Variants in PDZRN4 observed in about 807,000 individuals in gnomAD.
The protein encoded by PDZRN4 is PDZ domain-containing RING finger protein 4.
In PDZRN4, 70 loss-of-function variants were observed where a neutral mutation model predicts 99.0. The ratio of observed to expected loss-of-function variants is 0.71; its 90% CI spans 0.58 to 0.86. The LOEUF is 0.86. Among genes scored for constraint, PDZRN4 ranks in the 40% least tolerant of loss-of-function variants. PDZRN4 has a pLI of 0.00. For synonymous variants in PDZRN4, 551 were observed against 501.6 expected (o/e 1.10, Z -1.32); for missense variants, 1,474 against 1,331.2 (o/e 1.11, Z -1.67).
intron 3 of PDZRN4, among the ~76,000 whole-genome samples, chr12:41,413,492 A>G (rs928702785): frequency 6.6e-6 from 1 of 152,130 alleles, no homozygotes; most frequent in African/African-American, 2.4e-5. Flanking sequence ...ACTATACTAT[A>G]TAGTTTCAAA....
intron 3 of PDZRN4, among the ~76,000 whole-genome samples, chr12:41,304,629 G>A (rs1951557763): frequency 1.3e-5 from 2 of 152,158 alleles, no homozygotes; most frequent in South Asian, 2.1e-4. Flanking sequence ...CAACCCCAAT[G>A]AGAATGCATG....
At chr12:41,406,856 C>T (rs1020403922) in intron 3 of PDZRN4, among the ~76,000 whole-genome samples, 84 of 109,524 alleles carry the variant, frequency 7.7e-4, no homozygotes, top group Admixed American at 7.6e-3. Flanking sequence ...GAAACTCCGT[C>T]TCAAAAAAAA....
chr12:41,205,759 A>T lies in PDZRN4; in HGVS notation c.843+11571A>T, dbSNP rs1950845252. On this transcript the variant is annotated intron_variant, in intron 3 of 9. Coordinates refer to ENST00000402685, the MANE Select transcript of PDZRN4 (RefSeq NM_001164595.2). ...TCTTTTTAAGGTAAATGTTTACAGA[A>T]GATCACAGATCATAAGTGTCTAGTG... Among the ~76,000 whole-genome samples the T allele has an allele frequency of 2.0e-5, 3 of 151,842 alleles. 1 individual carries two copies. The South Asian group carries it at 6.2e-4, about 31-fold the overall frequency.
Position 41,573,512 on chromosome 12 carries a change from G to C in PDZRN4, c.2733G>C (p.Leu911=). 1 of 1,614,018 alleles carries C rather than the reference G, an allele frequency of 6.2e-7. No individual in the cohort carries two copies. The highest frequency in any genetic ancestry group is 1.3e-5 in the African/African-American group (1 of 75,008). The change falls in exon 10 of 10, where the codon CTG becomes CTC. Residue 911 remains leucine, a synonymous_variant. Coordinates refer to ENST00000402685, the MANE Select transcript of PDZRN4 (RefSeq NM_001164595.2). ...ITKRPVRDRI[L]KERALKIKEE... ...AGAGACCCGTGCGAGACCGAATCCT[G>C]AAGGAACGTGCCTTAAAGATCAAGG...
At chr12:41,230,239 G>A (rs1415639479) in intron 3 of PDZRN4, among the ~76,000 whole-genome samples, 2 of 151,920 alleles carry the variant, frequency 1.3e-5, no homozygotes, top group African/African-American at 4.8e-5. Context: ...TGCATTCCAT[G>A]TGAAAGTAGG....
At chr12:41,205,563 TTC>T (rs1393257356) in intron 3 of PDZRN4, among the ~76,000 whole-genome samples, 4 of 151,864 alleles carry the variant, frequency 2.6e-5, no homozygotes, top group African/African-American at 4.8e-5. Context: ...CTCACTGGAA[TTC>T]TCTTTCCCCT....
intron 3 of PDZRN4, among the ~76,000 whole-genome samples, chr12:41,332,406 A>G (rs552656074): frequency 1.8e-4 from 28 of 152,190 alleles, no homozygotes; most frequent in African/African-American, 5.5e-4. Flanking sequence ...AATGGAATCA[A>G]GAAGAGAGGA....
chr12:41,306,664 T>G (rs1445193076), intron 3 of PDZRN4, among the ~76,000 whole-genome samples: 1 of 152,224 alleles, frequency 6.6e-6, no homozygotes, highest in East Asian at 1.9e-4. Context: ...AAGTTCTGGT[T>G]CCTTTTTGCT....
intron 3 of PDZRN4, among the ~76,000 whole-genome samples, chr12:41,304,612 G>A (rs1235337019): frequency 6.6e-6 from 1 of 152,204 alleles, no homozygotes; most frequent in African/African-American, 2.4e-5. Flanking sequence ...TACACTGAAA[G>A]TGATATCAAC....
At chr12:41,284,057 G>A (rs1228757146) in intron 3 of PDZRN4, among the ~76,000 whole-genome samples, 2 of 152,152 alleles carry the variant, frequency 1.3e-5, no homozygotes, top group Non-Finnish European at 2.9e-5. Context: ...TAGGAAGAGA[G>A]GAAATCAAAT....
At position 41,270,274 on chromosome 12, in the gene PDZRN4, GTCTGTGTGTGT is replaced by G. The variant is rs1490449932; in HGVS notation, c.843+76087_843+76097del. 1.1e-3 allele frequency among the ~76,000 whole-genome samples: 146 copies of G among 129,348 alleles called. 1 individual carries two copies. Among genetic ancestry groups the G allele is most frequent in the African/African-American group, 4.1e-3 (142 of 34,998 alleles). The allele number at this position is 129,348 out of a possible 152,430, so 84.9% of individuals were successfully genotyped here. A position where few individuals can be genotyped will look rare whatever the true frequency, so the allele number is the denominator to read the frequency against. On this transcript the variant is annotated intron_variant, in intron 3 of 9. Transcript: ENST00000402685. The stretch of plus-strand genomic sequence containing the variant: ...GATCGTAACTATTGTGTGTGTGTGT[GTCTGTGTGTGT>G]GGTGTGTGTGTGTGTCTGTGTGTGT...
intron 3 of PDZRN4, among the ~76,000 whole-genome samples, chr12:41,237,460 ATTCCCAGTATGTG>A (rs1951074954): frequency 5.3e-5 from 8 of 152,144 alleles, no homozygotes; most frequent in Admixed American, 5.2e-4. Flanking sequence ...TTGCTACTGT[ATTCCCAGTATGTG>A]TTGCTTTGTA....
At chr12:41,567,452 C>T (rs1939393945) in intron 8 of PDZRN4, among the ~76,000 whole-genome samples, 1 of 152,064 alleles carries the variant, frequency 6.6e-6, no homozygotes, top group South Asian at 2.1e-4. Context: ...TAACACGGGA[C>T]TGTTGGAGGT....
In PDZRN4 at chr12:41,355,018, C is replaced by T. The variant is rs573123104; in HGVS notation, c.844-151438C>T. ...ACAGAGAATAGTGGGGAAAGCACCA[C>T]ACTGTTTAATCAAGAGTCTTGTTTT... On this transcript the variant is annotated intron_variant, in intron 3 of 9. Coordinates refer to ENST00000402685, the MANE Select transcript of PDZRN4 (RefSeq NM_001164595.2). Among the ~76,000 whole-genome samples the T allele has an allele frequency of 6.2e-4, 95 of 152,158 alleles. 1 individual carries two copies. The highest frequency in any genetic ancestry group is 2.3e-3 in the African/African-American group (94 of 41,522).
intron 3 of PDZRN4, among the ~76,000 whole-genome samples, chr12:41,480,322 T>C (rs1166987684): frequency 6.6e-6 from 1 of 152,196 alleles, no homozygotes; most frequent in Non-Finnish European, 1.5e-5. Flanking sequence ...TGGAATATTA[T>C]GCATAGTCAA....
chr12:41,534,751 C>A (rs7975700), intron 5 of PDZRN4, among the ~76,000 whole-genome samples: 2,965 of 152,210 alleles, frequency 0.019, 84 homozygotes, highest in African/African-American at 0.064. Context: ...GATGTTTTGT[C>A]TCAGCACAAT....
At chr12:41,237,710 T>C (rs900006810) in intron 3 of PDZRN4, among the ~76,000 whole-genome samples, 2 of 152,192 alleles carry the variant, frequency 1.3e-5, no homozygotes, top group African/African-American at 4.8e-5. Flanking sequence ...CCCAGCACCA[T>C]TAATTAAATG....
chr12:41,547,603 C>A (rs575042933), intron 5 of PDZRN4, among the ~76,000 whole-genome samples: 1 of 151,766 alleles, frequency 6.6e-6, no homozygotes, highest in South Asian at 2.1e-4. Flanking sequence ...CCAGCCTGGG[C>A]GACAGAGTGA....
chr12:41,476,761 G>A (rs1028109976), intron 3 of PDZRN4, among the ~76,000 whole-genome samples: 3 of 152,214 alleles, frequency 2.0e-5, no homozygotes, highest in African/African-American at 4.8e-5. Flanking sequence ...ACCTGATAAT[G>A]ATGGTGGTTC....
Sources: allele counts gnomAD v4.1 joint callset (sites outside exome capture counted in the v4.1 genomes callset), GRCh38; gene constraint gnomAD v4.1.1; transcripts MANE v1.5; gene names NCBI Gene and HGNC (gene_info 2026-07-23, HGNC 2026-07-21).